The following XRCC4 variants were observed in gnomAD, a reference collection of about 807,000 sequenced individuals.
XRCC4 encodes the protein DNA repair protein XRCC4.
In XRCC4, 28 loss-of-function variants were observed where a neutral mutation model predicts 39.1. That is an observed-to-expected ratio of 0.72 (90% CI 0.53 to 0.98). The LOEUF (loss-of-function observed/expected upper bound fraction) is 0.98, where lower values mean the gene tolerates loss of function less well. Ranked by LOEUF, XRCC4 falls within the 50% of genes least tolerant of loss-of-function variation. The pLI, the probability that XRCC4 is intolerant of heterozygous loss-of-function variation, is 0.00. For missense variants in XRCC4, 350 were observed against 376.4 expected (o/e 0.93, Z 0.58); for synonymous variants, 123 against 126.4 (o/e 0.97, Z 0.18).
chr5:83,203,155 C>T (rs1381070014), intron 4 of XRCC4, among the ~76,000 whole-genome samples: 1 of 151,950 alleles, frequency 6.6e-6, no homozygotes, highest in African/African-American at 2.4e-5. Context: ...GTTGCCTTAT[C>T]ACAAAATAAG....
At chr5:83,357,920 T>C (rs1757207920), downstream of XRCC4, among the ~76,000 whole-genome samples, 2 of 152,186 alleles carry the variant, frequency 1.3e-5, no homozygotes, top group South Asian at 4.1e-4. Context: ...CTAGCTGACA[T>C]CTAAATTCAC....
chr5:83,337,602 T>A (rs930090834), intron 7 of XRCC4, among the ~76,000 whole-genome samples: 1 of 152,178 alleles, frequency 6.6e-6, no homozygotes, highest in Non-Finnish European at 1.5e-5. Context: ...CTCTCAGCCT[T>A]GTTTCCACCC....
intron 7 of XRCC4, among the ~76,000 whole-genome samples, chr5:83,338,012 A>G (rs1453417874): frequency 6.6e-6 from 1 of 152,206 alleles, no homozygotes; most frequent in African/African-American, 2.4e-5. Flanking sequence ...AAGGTAGAAG[A>G]GTCCTAAAAC....
chr5:83,122,212 CA>C (rs1485428727), intron 3 of XRCC4, among the ~76,000 whole-genome samples: 1 of 152,072 alleles, frequency 6.6e-6, no homozygotes, highest in Non-Finnish European at 1.5e-5. Context: ...TTTTTCCAAA[CA>C]AGTCTGCTGG....
At chr5:83,258,703 A>C in intron 7 of XRCC4, 26 bp downstream of exon 7, 3 of 1,600,828 alleles carry the variant, frequency 1.9e-6, no homozygotes, top group Non-Finnish European at 2.6e-6. Context: ...CTTTGCCAAG[A>C]AGTGAGATGA....
At chr5:83,333,897 G>C (rs1756513984) in intron 7 of XRCC4, among the ~76,000 whole-genome samples, 1 of 151,680 alleles carries the variant, frequency 6.6e-6, no homozygotes, top group African/African-American at 2.4e-5. Flanking sequence ...AGCCTTCCAA[G>C]TATCGGGGAT....
At chr5:83,088,673 A>AT (rs1191255205) in intron 1 of XRCC4, among the ~76,000 whole-genome samples, 2 of 151,854 alleles carry the variant, frequency 1.3e-5, no homozygotes, top group African/African-American at 4.8e-5. Context: ...TTAAAAATAA[A>AT]TTTTTTTTTC....
chr5:83,225,625 A>AT (rs1752258354), intron 6 of XRCC4, among the ~76,000 whole-genome samples: 1 of 150,808 alleles, frequency 6.6e-6, no homozygotes, highest in African/African-American at 2.4e-5. Flanking sequence ...AAAAAAAAAA[A>AT]AGGATAGGCC....
At chr5:83,309,755 CAAAAAAAA>C (rs10597317) in intron 7 of XRCC4, among the ~76,000 whole-genome samples, 26 of 79,066 alleles carry the variant, frequency 3.3e-4, no homozygotes, top group African/African-American at 6.7e-4. Flanking sequence ...AGACCCGTCT[CAAAAAAAA>C]AAAAAAAAAA....
chr5:83,237,360 A>C (rs1444252694), intron 6 of XRCC4, among the ~76,000 whole-genome samples: 4 of 152,194 alleles, frequency 2.6e-5, no homozygotes, highest in Admixed American at 1.3e-4. Context: ...ACATGTACAC[A>C]ATAGGATATT....
intron 7 of XRCC4, among the ~76,000 whole-genome samples, chr5:83,308,320 G>GAAAC (rs1755560146): frequency 6.6e-6 from 1 of 152,132 alleles, no homozygotes. Flanking sequence ...TGAATGGATA[G>GAAAC]AAACAAGCAC....
chr5:83,080,975 C>T (rs944245076), intron 1 of XRCC4, among the ~76,000 whole-genome samples: 2 of 152,160 alleles, frequency 1.3e-5, no homozygotes, highest in African/African-American at 4.8e-5. Context: ...ACTGTCACAC[C>T]TCAAACTGCC....
At chr5:83,344,062 C>T (rs1756842206) in intron 7 of XRCC4, among the ~76,000 whole-genome samples, 1 of 151,894 alleles carries the variant, frequency 6.6e-6, no homozygotes, top group Non-Finnish European at 1.5e-5. Flanking sequence ...GAACCATTCT[C>T]TCATGAAATA....
intron 3 of XRCC4, among the ~76,000 whole-genome samples, chr5:83,140,848 C>G (rs768611094): frequency 3.3e-5 from 5 of 152,066 alleles, no homozygotes; most frequent in Non-Finnish European, 5.9e-5. Context: ...TACAAAAAAT[C>G]AGAACTACCT....
chr5:83,254,533 C>T (rs1753454470), intron 6 of XRCC4, among the ~76,000 whole-genome samples: 1 of 152,018 alleles, frequency 6.6e-6, no homozygotes, highest in African/African-American at 2.4e-5. Context: ...AAAGTGAAAA[C>T]TTGAATTATT....
At chr5:83,247,125 T>A (rs1193694) in intron 6 of XRCC4, among the ~76,000 whole-genome samples, 150,154 of 152,350 alleles carry the variant, frequency 0.99, 74,006 homozygotes, top group East Asian at 1. Context: ...CAAACAGTGG[T>A]TTTAATCAAA....
At chr5:83,290,684 G>A (rs1356100840) in intron 7 of XRCC4, among the ~76,000 whole-genome samples, 1 of 151,812 alleles carries the variant, frequency 6.6e-6, no homozygotes. Flanking sequence ...AATTTGGAGA[G>A]TTTAGGGATT....
intron 6 of XRCC4, among the ~76,000 whole-genome samples, chr5:83,222,528 T>G (rs1362725656): frequency 1.3e-5 from 2 of 152,164 alleles, no homozygotes; most frequent in African/African-American, 2.4e-5. Flanking sequence ...ATATGTGTTT[T>G]TATGTGGAAT....
rs62371880 is a variant in XRCC4, at chr5:83,332,007, C to T, written c.894-21124C>T. ...TAAACCTGGGACTGATGTGTAATTA[C>T]GTTTTCAGTGATTCATCTGTGAAAC... On this transcript the variant is annotated intron_variant, in intron 7 of 7. Coordinates refer to ENST00000396027, the MANE Select transcript of XRCC4 (RefSeq NM_003401.5). Among the ~76,000 whole-genome samples, 1,330 of 152,076 alleles carry T rather than the reference C, an allele frequency of 8.7e-3. 9 individuals carry two copies. The highest frequency in any genetic ancestry group is 0.014 in the Non-Finnish European group (954 of 67,968).
Sources: allele counts gnomAD v4.1 joint callset (sites outside exome capture counted in the v4.1 genomes callset), GRCh38; gene constraint gnomAD v4.1.1; transcripts MANE v1.5; gene names NCBI Gene and HGNC (gene_info 2026-07-23, HGNC 2026-07-21).